TBC1D22A: variants seen among roughly 807,000 people sequenced by gnomAD.
TBC1D22A encodes the protein putative GTPase activator.
In TBC1D22A, 38 loss-of-function variants were observed where a neutral mutation model predicts 60.2. The ratio of observed to expected loss-of-function variants is 0.63; its 90% CI spans 0.49 to 0.83. The LOEUF is 0.83. TBC1D22A is among the 40% of genes least tolerant of loss of function. The probability of loss-of-function intolerance (pLI) is 0.00; values close to 1 mark genes in which losing one functional copy is unlikely to be tolerated. For synonymous variants in TBC1D22A, 302 were observed against 281.7 expected (o/e 1.07, Z -0.72); for missense variants, 628 against 701.0 (o/e 0.90, Z 1.18).
At chr22:47,133,039 A>T (rs973370287) in intron 12 of TBC1D22A, among the ~76,000 whole-genome samples, 1 of 152,218 alleles carries the variant, frequency 6.6e-6, no homozygotes, top group African/African-American at 2.4e-5. Flanking sequence ...GATATGGAAA[A>T]AAAGGAACTC....
chr22:46,998,900 C>T (rs980683382), intron 10 of TBC1D22A, among the ~76,000 whole-genome samples: 2 of 152,276 alleles, frequency 1.3e-5, no homozygotes, highest in South Asian at 4.1e-4. Flanking sequence ...CTCCACCGCG[C>T]GGTCTTGTTT....
At chr22:46,905,125 C>T (rs1324875282) in intron 7 of TBC1D22A, among the ~76,000 whole-genome samples, 3 of 152,212 alleles carry the variant, frequency 2.0e-5, no homozygotes, top group Non-Finnish European at 4.4e-5. Flanking sequence ...GGTGGGGACT[C>T]TTAGGCACCA....
chr22:46,904,129 A>G (rs374102824), intron 7 of TBC1D22A, among the ~76,000 whole-genome samples: 161 of 97,880 alleles, frequency 1.6e-3, no homozygotes, highest in African/African-American at 4.0e-3. Flanking sequence ...CTATCTATCT[A>G]TCTATCTATC....
chr22:46,830,922 A>G (rs1300066909), intron 4 of TBC1D22A, among the ~76,000 whole-genome samples: 1 of 152,096 alleles, frequency 6.6e-6, no homozygotes, highest in Non-Finnish European at 1.5e-5. Flanking sequence ...GAAAAGCTTT[A>G]AGAGGTATCT....
intron 4 of TBC1D22A, among the ~76,000 whole-genome samples, chr22:46,826,869 C>T (rs78199883): frequency 0.01 from 1,534 of 152,094 alleles, 23 homozygotes; most frequent in African/African-American, 0.035. Flanking sequence ...CTGTGCAGGA[C>T]GGTTCCTGGC....
chr22:47,023,839 A>G (rs1368443611), intron 10 of TBC1D22A, among the ~76,000 whole-genome samples: 1 of 152,254 alleles, frequency 6.6e-6, no homozygotes, highest in Non-Finnish European at 1.5e-5. Flanking sequence ...ATGACAAGCA[A>G]TAGGTAAACT....
At chr22:46,805,417 C>G (rs2085084578) in intron 4 of TBC1D22A, among the ~76,000 whole-genome samples, 1 of 152,236 alleles carries the variant, frequency 6.6e-6, no homozygotes, top group South Asian at 2.1e-4. Flanking sequence ...AGTTTCTCAG[C>G]AAGATGCCTG....
chr22:46,986,027 T>C (rs975358101), intron 9 of TBC1D22A, among the ~76,000 whole-genome samples: 24 of 152,362 alleles, frequency 1.6e-4, no homozygotes, highest in South Asian at 8.3e-4. Context: ...CATGTTATGA[T>C]TGATAATTTT....
intron 11 of TBC1D22A, among the ~76,000 whole-genome samples, chr22:47,038,468 G>C (rs915054561): frequency 1.3e-5 from 2 of 152,198 alleles, no homozygotes; most frequent in African/African-American, 2.4e-5. Flanking sequence ...AGAGCAGCTA[G>C]GGAGGGCCTG....
intron 8 of TBC1D22A, among the ~76,000 whole-genome samples, chr22:46,959,071 G>A (rs1027754327): frequency 3.3e-5 from 5 of 152,164 alleles, no homozygotes; most frequent in Admixed American, 2.0e-4. Flanking sequence ...GCTCCCGGCC[G>A]TCTCTCCTGA....
At chr22:46,865,637 T>A (rs1212149705) in intron 4 of TBC1D22A, among the ~76,000 whole-genome samples, 1 of 152,218 alleles carries the variant, frequency 6.6e-6, no homozygotes, top group Non-Finnish European at 1.5e-5. Context: ...TGATTTGTCT[T>A]GTCTGCGCAC....
At chr22:46,935,241 C>G (rs990933973) in intron 8 of TBC1D22A, among the ~76,000 whole-genome samples, 4 of 152,218 alleles carry the variant, frequency 2.6e-5, no homozygotes, top group African/African-American at 9.7e-5. Flanking sequence ...TCTCCTGTAG[C>G]TCACATTCAG....
At chr22:46,791,564 C>A (rs1342070639) in intron 1 of TBC1D22A, among the ~76,000 whole-genome samples, 3 of 148,042 alleles carry the variant, frequency 2.0e-5, no homozygotes, top group African/African-American at 7.5e-5. Flanking sequence ...AAAGTAAAAA[C>A]CAGCATTTAT....
At chr22:47,095,372 C>T (rs2065133338) in intron 11 of TBC1D22A, among the ~76,000 whole-genome samples, 1 of 152,124 alleles carries the variant, frequency 6.6e-6, no homozygotes, top group African/African-American at 2.4e-5. Context: ...TAAGGAAAAT[C>T]GAACAATGCA....
chr22:46,777,928 A>T lies in TBC1D22A; in HGVS notation c.63-14592A>T, dbSNP rs1191756715. On this transcript the variant is annotated intron_variant, in intron 1 of 12. Transcript: ENST00000337137. The surrounding 1 kb of genome is among the most constrained non-coding windows in gnomAD (Gnocchi z 4.5). ...GCGCAGTGTCGCCTGCTGCACACCTAGGCTGTACGGCACCGTCTGTTGCTC... is the reference window on the plus strand; with the variant it reads ...GCGCAGTGTCGCCTGCTGCACACCTTGGCTGTACGGCACCGTCTGTTGCTC... Among the ~76,000 whole-genome samples the T allele has an allele frequency of 6.6e-6, 1 of 152,216 alleles. No homozygotes were observed. The highest frequency in any genetic ancestry group is 2.4e-5 in the African/African-American group (1 of 41,450).
At chr22:46,903,915 G>A (rs980063930) in intron 7 of TBC1D22A, among the ~76,000 whole-genome samples, 4 of 152,158 alleles carry the variant, frequency 2.6e-5, no homozygotes, top group Admixed American at 6.5e-5. Flanking sequence ...GGCTGCTGCC[G>A]AGTGCCCCGC....
rs554941421 is a variant in TBC1D22A at position 46,802,747 on chromosome 22, A to G, written c.637+5127A>G. Among the ~76,000 whole-genome samples, 19 of 150,318 alleles carry G rather than the reference A, an allele frequency of 1.3e-4. No homozygotes were observed. The East Asian group carries it at 3.9e-3, about 31-fold the overall frequency. ...TCTGAGCAGAGTGTTGCCAGTGGCC[A>G]TGGACGACGTGGAGTCCTTGGGCAG... On this transcript the variant is annotated intron_variant, in intron 4 of 12. Transcript: ENST00000337137.
chr22:46,862,970 G>T (rs182451439), intron 4 of TBC1D22A, among the ~76,000 whole-genome samples: 97 of 152,282 alleles, frequency 6.4e-4, no homozygotes, highest in Admixed American at 3.1e-3. Context: ...TCTCTGGTCC[G>T]TGGGCTTCCG....
chr22:47,064,925 G>C (rs2063702619), intron 11 of TBC1D22A, among the ~76,000 whole-genome samples: 1 of 152,188 alleles, frequency 6.6e-6, no homozygotes, highest in Non-Finnish European at 1.5e-5. Context: ...TCATTATAAA[G>C]AGGCAGTTTC....
Sources: gnomAD v4.1 joint callset for allele counts (sites outside exome capture counted in the v4.1 genomes callset) on GRCh38, gnomAD v4.1.1 for gene constraint, Gnocchi (gnomAD v3.1) non-coding constraint, MANE v1.5 for transcripts, NCBI Gene and HGNC (gene_info 2026-07-23, HGNC 2026-07-21) for gene names.